The following GRID2 variants were observed in gnomAD, a reference collection of about 807,000 sequenced individuals.
GRID2 encodes glutamate ionotropic receptor delta type subunit 2.
Under a neutral mutation model 114.8 loss-of-function variants are expected in GRID2, and 33 were observed. That is an observed-to-expected ratio of 0.29 (90% CI 0.22 to 0.38). The LOEUF (loss-of-function observed/expected upper bound fraction) is 0.38. Among genes scored for constraint, GRID2 ranks in the 10% least tolerant of loss-of-function variants. GRID2 has a pLI of 1.00. For missense variants in GRID2, 1,184 were observed against 1,257.7 expected, an observed-to-expected ratio of 0.94 and a Z score of 0.89; for synonymous variants, 505 against 449.9, an observed-to-expected ratio of 1.12 and a Z score of -1.55.
chr4:92,813,823 C>A (rs1250281579), intron 2 of GRID2, among the ~76,000 whole-genome samples: 1 of 152,066 alleles, frequency 6.6e-6, no homozygotes, highest in Non-Finnish European at 1.5e-5. Flanking sequence ...ATCTGTTTAG[C>A]TTACCAGTGT....
intron 1 of GRID2, among the ~76,000 whole-genome samples, chr4:92,339,884 A>C (rs1485378591): frequency 6.6e-6 from 1 of 152,178 alleles, no homozygotes; most frequent in East Asian, 1.9e-4. Flanking sequence ...ATGCATAAAC[A>C]CTGAAATTGC....
chr4:92,383,054 A>T (rs1183482353), intron 1 of GRID2, among the ~76,000 whole-genome samples: 1 of 151,966 alleles, frequency 6.6e-6, no homozygotes, highest in Non-Finnish European at 1.5e-5. Context: ...TGGCCAGAAC[A>T]TGAGGAAGAG....
chr4:93,023,986 T>C (rs973687307), intron 2 of GRID2, among the ~76,000 whole-genome samples: 16 of 151,802 alleles, frequency 1.1e-4, no homozygotes, highest in Admixed American at 2.6e-4. Flanking sequence ...ACCTAGCCCA[T>C]TGTTGAGCAG....
intron 9 of GRID2, among the ~76,000 whole-genome samples, chr4:93,412,234 C>T (rs200859675): frequency 3.3e-5 from 5 of 150,692 alleles, no homozygotes; most frequent in East Asian, 2.0e-4. Context: ...ACCCATCCCC[C>T]CCCCCCAAAA....
chr4:92,728,315 G>T (rs1233222505), intron 2 of GRID2, among the ~76,000 whole-genome samples: 1 of 151,934 alleles, frequency 6.6e-6, no homozygotes, highest in Non-Finnish European at 1.5e-5. Flanking sequence ...AATTGCTGTG[G>T]GTCAGAAACC....
chr4:92,979,454 A>T (rs192056848), intron 2 of GRID2, among the ~76,000 whole-genome samples: 102 of 152,154 alleles, frequency 6.7e-4, no homozygotes, highest in African/African-American at 2.4e-3. Flanking sequence ...GGCATGTAAA[A>T]TCTCAGGTCG....
chr4:92,763,022 G>A (rs1281735873), intron 2 of GRID2, among the ~76,000 whole-genome samples: 6 of 152,158 alleles, frequency 3.9e-5, no homozygotes, highest in Admixed American at 3.9e-4. Flanking sequence ...ATTGGGAAGT[G>A]GTTAAGTAGC....
At chr4:92,926,366 C>A (rs920833846) in intron 2 of GRID2, among the ~76,000 whole-genome samples, 1 of 151,870 alleles carries the variant, frequency 6.6e-6, no homozygotes, top group Non-Finnish European at 1.5e-5. Context: ...GTAGTGGTGA[C>A]AATTTGTTGT....
chr4:92,841,399 T>C (rs17326038), intron 2 of GRID2, among the ~76,000 whole-genome samples: 4,719 of 152,158 alleles, frequency 0.031, 96 homozygotes, highest in Non-Finnish European at 0.041. Flanking sequence ...TATGCAGAAG[T>C]CGGGGTTACA....
chr4:93,143,265 A>G (rs1735923663), intron 4 of GRID2, among the ~76,000 whole-genome samples: 1 of 152,206 alleles, frequency 6.6e-6, no homozygotes, highest in South Asian at 2.1e-4. Context: ...CTTAGATTAA[A>G]TTATTTTGCA....
chr4:92,767,943 C>T (rs887417587), intron 2 of GRID2, among the ~76,000 whole-genome samples: 3 of 151,722 alleles, frequency 2.0e-5, no homozygotes, highest in Non-Finnish European at 4.4e-5. Flanking sequence ...TTTAATAGTG[C>T]CTGGTACATG....
intron 2 of GRID2, among the ~76,000 whole-genome samples, chr4:92,950,645 A>G (rs1485723506): frequency 1.3e-5 from 2 of 152,176 alleles, no homozygotes; most frequent in Non-Finnish European, 2.9e-5. Context: ...GTACCAACGA[A>G]GCATGGCAAT....
intron 2 of GRID2, among the ~76,000 whole-genome samples, chr4:92,834,305 T>A (rs1742310648): frequency 6.6e-6 from 1 of 152,190 alleles, no homozygotes; most frequent in Non-Finnish European, 1.5e-5. Context: ...TCATTTCATA[T>A]CTCAGGCAAA....
At chr4:93,598,174 C>T (rs1181808630) in intron 13 of GRID2, among the ~76,000 whole-genome samples, 1 of 152,186 alleles carries the variant, frequency 6.6e-6, no homozygotes, top group Non-Finnish European at 1.5e-5. Flanking sequence ...TGTCAGATTT[C>T]ACATTTCACA....
At chr4:92,365,922 T>G (rs1428618629) in intron 1 of GRID2, among the ~76,000 whole-genome samples, 2 of 152,062 alleles carry the variant, frequency 1.3e-5, no homozygotes, top group African/African-American at 4.8e-5. Context: ...AAGAGCTGTT[T>G]CCTCATCTGA....
At chr4:93,195,192 G>T (rs75476338) in intron 4 of GRID2, among the ~76,000 whole-genome samples, 348 of 152,242 alleles carry the variant, frequency 2.3e-3, no homozygotes, top group African/African-American at 7.6e-3. Context: ...CTCAGTTTGA[G>T]TTACTGGTAC....
intron 8 of GRID2, among the ~76,000 whole-genome samples, chr4:93,354,036 CA>C (rs1761067381): frequency 6.6e-6 from 1 of 151,252 alleles, no homozygotes; most frequent in South Asian, 2.1e-4. Context: ...CACACACACA[CA>C]CACACATATG....
chr4:92,521,813 C>T (rs986123395), intron 1 of GRID2, among the ~76,000 whole-genome samples: 3 of 151,828 alleles, frequency 2.0e-5, no homozygotes, highest in African/African-American at 7.3e-5. Flanking sequence ...GGCTTAGTCT[C>T]CTGGAAAGAT....
intron 14 of GRID2, among the ~76,000 whole-genome samples, chr4:93,694,368 C>T (rs1228627509): frequency 6.6e-6 from 1 of 152,120 alleles, no homozygotes; most frequent in Non-Finnish European, 1.5e-5. Flanking sequence ...CTTACTGTTT[C>T]CATTCAGTAG....
Sources: gnomAD v4.1 joint callset for allele counts (sites outside exome capture counted in the v4.1 genomes callset) on GRCh38, gnomAD v4.1.1 for gene constraint, MANE v1.5 for transcripts, NCBI Gene and HGNC (gene_info 2026-07-23, HGNC 2026-07-21) for gene names.